SPINK5: variants seen among roughly 807,000 people sequenced by gnomAD.
SPINK5 encodes the protein serine protease inhibitor Kazal-type 5.
A neutral mutation model predicts 151.8 loss-of-function variants in SPINK5; 125 were observed. The observed-to-expected ratio is 0.82, with a 90% CI of 0.71 to 0.96. SPINK5 has a LOEUF of 0.96. SPINK5 is among the 40% of genes least tolerant of loss of function. The probability of loss-of-function intolerance (pLI) is 0.00; values close to 1 mark genes in which losing one functional copy is unlikely to be tolerated. For synonymous variants in SPINK5, 374 were observed against 395.3 expected, an observed-to-expected ratio of 0.95 and a Z score of 0.64; for missense variants, 1,194 against 1,291.9, an observed-to-expected ratio of 0.92 and a Z score of 1.16.
intron 4 of SPINK5, among the ~76,000 whole-genome samples, chr5:148,085,179 GCTTTT>G (rs1265760367): frequency 1.3e-5 from 2 of 151,530 alleles, no homozygotes; most frequent in African/African-American, 2.4e-5. Flanking sequence ...ATGTTCTTTA[GCTTTT>G]CTTTTCTATT....
At position 148,066,045 on chromosome 5, in the gene SPINK5, A is replaced by T. The variant is rs1029288996; in HGVS notation, c.81+673A>T. Among the ~76,000 whole-genome samples, 4 of 152,304 alleles carry T rather than the reference A, an allele frequency of 2.6e-5. No individual in the cohort carries two copies. The South Asian group carries it at 8.3e-4, about 32-fold the overall frequency. ...GAGAATGGAGGTGGTATCCATTCTCATAAGGATAATCAGGGAAGTTCTCTC... is the reference window on the plus strand; with the variant it reads ...GAGAATGGAGGTGGTATCCATTCTCTTAAGGATAATCAGGGAAGTTCTCTC... On this transcript the variant is annotated intron_variant, in intron 2 of 32. Transcript: ENST00000256084.
chr5:148,115,615 A>T (rs540012625), intron 21 of SPINK5, among the ~76,000 whole-genome samples: 1 of 152,214 alleles, frequency 6.6e-6, no homozygotes, highest in African/African-American at 2.4e-5. Context: ...GGTGACAGCT[A>T]TGCAAGCTGA....
intron 15 of SPINK5, among the ~76,000 whole-genome samples, chr5:148,104,161 C>T (rs1301820333): frequency 6.6e-6 from 1 of 152,154 alleles, no homozygotes; most frequent in Admixed American, 6.5e-5. Context: ...ATGCTCTTAA[C>T]ATTCCAATAA....
chr5:148,098,129 C>T, intron 11 of SPINK5, 135 bp downstream of exon 11: 1 of 848,594 alleles, frequency 1.2e-6, no homozygotes, highest in Non-Finnish European at 1.9e-6. Flanking sequence ...TGGAAAATAT[C>T]AGTGATAGAG....
chr5:148,110,298 C>T (rs934470948), intron 18 of SPINK5, among the ~76,000 whole-genome samples: 2 of 151,992 alleles, frequency 1.3e-5, no homozygotes, highest in African/African-American at 4.8e-5. Context: ...TCTCATTGTC[C>T]AGTGGGGTGT....
At chr5:148,117,102 A>T (rs1214626172) in intron 22 of SPINK5, among the ~76,000 whole-genome samples, 1 of 152,220 alleles carries the variant, frequency 6.6e-6, no homozygotes, top group African/African-American at 2.4e-5. Context: ...CAGTTTCATA[A>T]AATTGCAGTC....
chr5:148,123,885 C>T lies in SPINK5; in HGVS notation c.2591C>T (p.Thr864Ile), dbSNP rs1419220737. The change falls in exon 27 of 33, where the codon ACC (threonine) becomes ATC (isoleucine). Residue 864 changes from threonine to isoleucine, a missense_variant. Transcript: ENST00000256084. ...SMQRNGKLICTRENNPVRGPY... is the reference protein window; with the variant it reads ...SMQRNGKLICIRENNPVRGPY... ...CAGAGAAATGGAAAGCTTATCTGCA[C>T]CAGAGAAAATAACCCTGTTCGAGGC... 1.9e-6 allele frequency: 3 copies of T among 1,613,808 alleles called. No individual in the cohort carries two copies. The highest frequency in any genetic ancestry group is 2.5e-6 in the Non-Finnish European group (3 of 1,179,980).
rs745577651 is a variant in SPINK5, at chr5:148,131,409, C to T, written c.3095+20C>T. On this transcript the variant is annotated intron_variant, in intron 31 of 32. Coordinates refer to ENST00000256084, the MANE Select transcript of SPINK5 (RefSeq NM_006846.4). ...AAACCTGTAAGTATTCAAGTTGCCC[C>T]ATCATATCTTCCAGTTTAGAATTTC... is the stretch of plus-strand genomic sequence containing the variant. 4 of 1,613,424 alleles carry T rather than the reference C, an allele frequency of 2.5e-6. No individual in the cohort carries two copies. In the East Asian group the frequency reaches 8.9e-5, roughly 36 times the overall value.
At chr5:148,074,976 T>C (rs114429993) in intron 4 of SPINK5, among the ~76,000 whole-genome samples, 3 of 151,800 alleles carry the variant, frequency 2.0e-5, no homozygotes, top group East Asian at 1.9e-4. Context: ...GTTAATCTTA[T>C]GTCAGACAAC....
intron 30 of SPINK5, among the ~76,000 whole-genome samples, chr5:148,128,246 A>G (rs1431442607): frequency 6.6e-6 from 1 of 152,064 alleles, no homozygotes; most frequent in Non-Finnish European, 1.5e-5. Flanking sequence ...ATACTAAAGT[A>G]TAATAGTTAC....
chr5:148,122,001 A>AGT (rs35297940), intron 26 of SPINK5, among the ~76,000 whole-genome samples: 6,951 of 148,468 alleles, frequency 0.047, 211 homozygotes, highest in Non-Finnish European at 0.065. Flanking sequence ...ATTGTGTGTG[A>AGT]GTGTGTGTGT....
chr5:148,112,899 G>A lies in SPINK5; in HGVS notation c.1852G>A (p.Glu618Lys), dbSNP rs1203404144. Residue 618 changes from glutamate to lysine, a missense_variant, in exon 20 of 33, where the codon GAA (glutamate) becomes AAA (lysine). By Grantham distance (56) the Glu-to-Lys change is moderately conservative (BLOSUM62 1). Coordinates refer to ENST00000256084, the MANE Select transcript of SPINK5 (RefSeq NM_006846.4). ...AGAAGCAAAAGAAAAAGAAAGAGCTGAACCCAGAGCAAAAGTCAAAAGAGA... is the reference window on the plus strand; with the variant it reads ...AGAAGCAAAAGAAAAAGAAAGAGCTAAACCCAGAGCAAAAGTCAAAAGAGA... ...QQEAKEKERA[E>K]PRAKVKREAE... is the part of the protein sequence containing the mutation. The A allele has an allele frequency of 1.9e-6, 3 of 1,613,716 alleles. No homozygotes were observed. In the East Asian group the frequency reaches 6.7e-5, roughly 36 times the overall value.
At chr5:148,073,861 C>A (rs1391382003) in intron 4 of SPINK5, among the ~76,000 whole-genome samples, 12 of 103,152 alleles carry the variant, frequency 1.2e-4, no homozygotes, top group Admixed American at 8.5e-4. Context: ...CACACACACA[C>A]AAAACTGTAA....
Position 148,100,587 on chromosome 5 carries a change from T to C in SPINK5, c.1220+6T>C. ...TCCATGTGTGAGGTCTTCTTGTGAG[T>C]AGCCCTGCAGCTGGGAACATGGAGG... On this transcript the variant is annotated splice_donor_region_variant and intron_variant, in intron 13 of 32. Transcript: ENST00000256084. The C allele has an allele frequency of 6.2e-7, 1 of 1,612,710 alleles. No homozygotes were observed. Among genetic ancestry groups the C allele is most frequent in the Non-Finnish European group, 8.5e-7 (1 of 1,179,068 alleles).
rs1186704782 is a variant in SPINK5 at position 148,125,708 on chromosome 5, T to C, written c.2740-15T>C. ...GGGACAAAGCCATGTTCACTTTCCC[T>C]TTCTCATTTTCTAGGATGAGTGCAG... On this transcript the variant is annotated splice_polypyrimidine_tract_variant and intron_variant, in intron 28 of 32. Transcript: ENST00000256084. The C allele has an allele frequency of 1.4e-5, 23 of 1,614,088 alleles. No individual in the cohort carries two copies. The highest frequency in any genetic ancestry group is 1.9e-5 in the Non-Finnish European group (23 of 1,180,030).
chr5:148,085,809 G>A (rs201439040), intron 4 of SPINK5, among the ~76,000 whole-genome samples: 2 of 151,862 alleles, frequency 1.3e-5, no homozygotes, highest in East Asian at 1.9e-4. Context: ...AAATGGTTCT[G>A]TGTCAGGCAC....
intron 14 of SPINK5, 91 bp from the exon 15 acceptor site, chr5:148,101,690 C>A: frequency 1.3e-6 from 2 of 1,584,966 alleles, no homozygotes; most frequent in Non-Finnish European, 1.7e-6. Context: ...TGCTAATCCT[C>A]GTTTAAGAAA....
chr5:148,122,659 T>TCTGA (rs1039363109), intron 26 of SPINK5, among the ~76,000 whole-genome samples: 5 of 152,196 alleles, frequency 3.3e-5, no homozygotes, highest in African/African-American at 1.2e-4. Flanking sequence ...AGTTTTATTC[T>TCTGA]CTGACTTGTA....
intron 24 of SPINK5, among the ~76,000 whole-genome samples, chr5:148,119,526 C>T (rs11168027): frequency 0.51 from 77,525 of 151,742 alleles, 21,912 homozygotes; most frequent in Non-Finnish European, 0.63. Context: ...TTGGTAATGC[C>T]GCATTCCTTT....
Sources: gnomAD v4.1 joint callset for allele counts (sites outside exome capture counted in the v4.1 genomes callset) on GRCh38, gnomAD v4.1.1 for gene constraint, MANE v1.5 for transcripts, NCBI Gene and HGNC (gene_info 2026-07-23, HGNC 2026-07-21) for gene names.